The following KIF2C variants were observed in gnomAD, a reference collection of about 807,000 sequenced individuals.
KIF2C encodes the protein kinesin family member 2C.
Under a neutral mutation model 97.4 loss-of-function variants are expected in KIF2C, and 34 were observed. The observed-to-expected ratio is 0.35, with a 90% CI of 0.27 to 0.46. The LOEUF is 0.46. Among genes scored for constraint, KIF2C ranks in the 20% least tolerant of loss-of-function variants. The pLI, the probability that KIF2C is intolerant of heterozygous loss-of-function variation, is 1.00. For synonymous variants in KIF2C, 313 were observed against 318.2 expected (o/e 0.98, Z 0.17); for missense variants, 750 against 907.6 (o/e 0.83, Z 2.23).
At chr1:44,757,784 G>A in intron 11 of KIF2C, 124 bp from the exon 12 acceptor site, 1 of 1,152,988 alleles carries the variant, frequency 8.7e-7, no homozygotes, top group Non-Finnish European at 1.3e-6. Flanking sequence ...CATGTCAGAT[G>A]CAGGGAGGGG....
chr1:44,762,179 G>T (rs41269067), intron 17 of KIF2C, 167 bp from the exon 18 acceptor site: 1 of 848,826 alleles, frequency 1.2e-6, no homozygotes, highest in East Asian at 2.5e-5. Flanking sequence ...AGTCAGCTGG[G>T]TGAGGGGCTT....
chr1:44,764,335 C>T (rs1203796463), intron 19 of KIF2C, among the ~76,000 whole-genome samples: 1 of 152,032 alleles, frequency 6.6e-6, no homozygotes, highest in Non-Finnish European at 1.5e-5. Flanking sequence ...GCCACCATGC[C>T]TGGCTAATTT....
At chr1:44,741,074 G>C in intron 2 of KIF2C, 67 bp downstream of exon 2, 1 of 1,264,226 alleles carries the variant, frequency 7.9e-7, no homozygotes, top group Non-Finnish European at 1.1e-6. Context: ...GTGCAGAAGT[G>C]GAATCTGTGA....
intron 14 of KIF2C, among the ~76,000 whole-genome samples, chr1:44,759,884 T>C (rs1396406170): frequency 1.3e-5 from 2 of 152,072 alleles, no homozygotes. Context: ...CTGTAGACAT[T>C]GGTACAGTGG....
chr1:44,758,185 C>T, intron 13 of KIF2C, 45 bp downstream of exon 13: 1 of 1,558,702 alleles, frequency 6.4e-7, no homozygotes, highest in Non-Finnish European at 8.8e-7. Context: ...GGGCCCAGCA[C>T]TTTTTAAAAC....
chr1:44,755,287 A>G (rs1462763579), intron 8 of KIF2C, among the ~76,000 whole-genome samples: 1 of 150,914 alleles, frequency 6.6e-6, no homozygotes, highest in East Asian at 2.0e-4. Context: ...TTTTTTTGAG[A>G]CAGAGTCTCG....
Position 44,750,494 on chromosome 1 carries a change from G to A in KIF2C, c.369G>A (p.Thr123=), listed in dbSNP as rs771986289. ...RMSTVSELRI[T]AQENDMEVEL... is the part of the protein sequence containing the mutation. ...CCACTGTCTCAGAGCTTCGCATCAC[G>A]GCTCAGGAGAATGACATGGAGGTGG... Residue 123 remains threonine (T), a synonymous_variant, in exon 5 of 21, where the codon ACG becomes ACA. Coordinates refer to ENST00000372224, the MANE Select transcript of KIF2C (RefSeq NM_006845.4). 1.1e-5 allele frequency: 17 copies of A among 1,592,064 alleles called. 1 individual carries two copies. Among genetic ancestry groups the A allele is most frequent in the Non-Finnish European group, 1.2e-5 (14 of 1,167,114 alleles).
intron 5 of KIF2C, among the ~76,000 whole-genome samples, chr1:44,752,819 C>T (rs907754742): frequency 6.6e-6 from 1 of 152,224 alleles, no homozygotes; most frequent in African/African-American, 2.4e-5. Context: ...TAAGACCAGA[C>T]CTGGCCTGGC....
intron 17 of KIF2C, 55 bp downstream of exon 17, chr1:44,762,038 C>A: frequency 1.3e-6 from 2 of 1,505,584 alleles, no homozygotes; most frequent in Non-Finnish European, 1.8e-6. Context: ...AAGGGAAGGG[C>A]AGTGATGAGA....
chr1:44,767,109 C>T lies in KIF2C; in HGVS notation c.2108C>T (p.Ala703Val), dbSNP rs760742386. 2.5e-6 allele frequency: 4 copies of T among 1,614,156 alleles called. No individual in the cohort carries two copies. The African/African-American group carries it at 4.0e-5, about 16-fold the overall frequency. ...CCCTTTCTTCCAGATGTCATCAAGG[C>T]CTTGCGCCTGGCCATGCAGCTGGAA... The part of the protein sequence containing the change: ...HFSALRDVIK[A>V]LRLAMQLEEQ... The change falls in exon 21 of 21, where the codon GCC (alanine) becomes GTC (valine). Residue 703 changes from alanine to valine, a missense_variant. Physicochemically the swap from Ala to Val is moderately conservative, Grantham distance 64. Coordinates refer to ENST00000372224, the MANE Select transcript of KIF2C (RefSeq NM_006845.4).
At chr1:44,746,298 C>T (rs1649193136) in intron 2 of KIF2C, 4 of 883,272 alleles carry the variant, frequency 4.5e-6, no homozygotes, top group Non-Finnish European at 5.5e-6. Flanking sequence ...GTAAAGCTAT[C>T]CTGGTGAAGT....
intron 17 of KIF2C, 143 bp downstream of exon 17, chr1:44,762,126 G>A (rs1459866365): frequency 8.0e-6 from 7 of 870,596 alleles, no homozygotes; most frequent in South Asian, 4.2e-5. Context: ...GAGTTCCGCC[G>A]TGATGCTAGG....
chr1:44,750,672 C>T (rs1484361820), intron 5 of KIF2C, 108 bp downstream of exon 5: 1 of 1,257,696 alleles, frequency 8.0e-7, no homozygotes, highest in East Asian at 2.8e-5. Context: ...AGCTTCAGAA[C>T]TGGTCTGCTC....
At chr1:44,766,710 GGGTCAGGGACCAGA>G (rs1393021256) in intron 19 of KIF2C, 102 bp from the exon 20 acceptor site, 1 of 1,101,610 alleles carries the variant, frequency 9.1e-7, no homozygotes, top group African/African-American at 1.6e-5. Context: ...GCCAGGGTAT[GGGTCAGGGACCAGA>G]GGTAAAGCAT....
rs570086480 is a variant in KIF2C at position 44,740,167 on chromosome 1, C to T, written c.70+165C>T. On this transcript the variant is annotated intron_variant, in intron 1 of 20. Coordinates refer to ENST00000372224, the MANE Select transcript of KIF2C (RefSeq NM_006845.4). Reference sequence around the variant, plus strand: ...CTGCACTGGCAGTCATTCTTGCCTACACAGGGGTGAGAGTCCCTGCGCTGT... The same window carrying T: ...CTGCACTGGCAGTCATTCTTGCCTATACAGGGGTGAGAGTCCCTGCGCTGT... 1.8e-4 allele frequency: 145 copies of T among 822,326 alleles called. 1 individual carries two copies. In the African/African-American group the frequency reaches 2.3e-3, roughly 13 times the overall value. 50.9% of individuals were successfully genotyped at this position (822,326 alleles called of 1,614,324 possible). A position where few individuals can be genotyped will look rare whatever the true frequency, so the allele number is the denominator to read the frequency against.
Position 44,761,778 on chromosome 1 carries a change from C to G in KIF2C, c.1684-138C>G, listed in dbSNP as rs543208679. On this transcript the variant is annotated intron_variant, in intron 16 of 20. Transcript: ENST00000372224. ...GCAAGTGGCCTAGCACAGCGCGGTG[C>G]TAAATGACTCCTCCCACCAATACCA... 1.9e-5 allele frequency: 15 copies of G among 780,948 alleles called. No homozygotes were observed. The African/African-American group carries it at 2.4e-4, about 12-fold the overall frequency. The allele number at this position is 780,948 out of a possible 1,614,324, so 48.4% of individuals were successfully genotyped here. A position where few individuals can be genotyped will look rare whatever the true frequency, so the allele number is the denominator to read the frequency against.
intron 5 of KIF2C, among the ~76,000 whole-genome samples, chr1:44,752,111 C>T (rs113830975): frequency 0.033 from 4,667 of 143,492 alleles, 246 homozygotes; most frequent in African/African-American, 0.11. Context: ...TGAGCCACTG[C>T]GCCCGGCCTA....
chr1:44,753,305 T>C, intron 6 of KIF2C, 51 bp downstream of exon 6: 1 of 1,567,074 alleles, frequency 6.4e-7, no homozygotes, highest in Non-Finnish European at 8.7e-7. Context: ...GCACAGATAG[T>C]TTACATCCTG....
rs1402047160 is a variant in KIF2C, at chr1:44,740,012, G to A, written c.70+10G>A. 1.9e-6 allele frequency: 3 copies of A among 1,614,050 alleles called. No homozygotes were observed. The highest frequency in any genetic ancestry group is 2.5e-6 in the Non-Finnish European group (3 of 1,180,014). ...ATCCAACGCAGTAATGGTGAGGAGC[G>A]GGGTCCCTAGGTCAAGGGGACTCGT... is the stretch of plus-strand genomic sequence containing the variant. On this transcript the variant is annotated intron_variant, in intron 1 of 20. Coordinates refer to ENST00000372224, the MANE Select transcript of KIF2C (RefSeq NM_006845.4).
Sources: allele counts gnomAD v4.1 joint callset (sites outside exome capture counted in the v4.1 genomes callset), GRCh38; gene constraint gnomAD v4.1.1; transcripts MANE v1.5; gene names NCBI Gene and HGNC (gene_info 2026-07-23, HGNC 2026-07-21).